The following CRTAC1 variants were observed in gnomAD, a reference collection of about 807,000 sequenced individuals.
CRTAC1 encodes the protein acidic secreted protein in cartilage.
In CRTAC1, 37 loss-of-function variants were observed where a neutral mutation model predicts 67.8. The ratio of observed to expected loss-of-function variants is 0.55; its 90% confidence interval spans 0.42 to 0.72. CRTAC1 has a LOEUF of 0.72. Among genes scored for constraint, CRTAC1 ranks in the 30% least tolerant of loss-of-function variants. CRTAC1 has a pLI of 0.00. For synonymous variants in CRTAC1, 348 were observed against 371.0 expected (o/e 0.94, Z 0.71); for missense variants, 780 against 931.6 (o/e 0.84, Z 2.12).
intron 3 of CRTAC1, among the ~76,000 whole-genome samples, chr10:97,926,545 C>T (rs2050922271): frequency 6.6e-6 from 1 of 152,036 alleles, no homozygotes; most frequent in Admixed American, 6.5e-5. Flanking sequence ...CATAACACCC[C>T]CAGCAGGGAT....
At position 97,884,354 on chromosome 10, in the gene CRTAC1, G is replaced by A. The variant is rs200524908; in HGVS notation, c.1487-3C>T. The A allele has an allele frequency of 1.3e-5, 20 of 1,551,128 alleles. No individual in the cohort carries two copies. In the African/African-American group the frequency reaches 2.3e-4, roughly 18 times the overall value. On this transcript the variant is annotated splice_region_variant and splice_polypyrimidine_tract_variant and intron_variant, in intron 11 of 14. Coordinates refer to ENST00000370597, the MANE Select transcript of CRTAC1 (RefSeq NM_018058.7). ...CACACTGCTGGCTTCATCCTTCCCT[G>A]AGGGGCAGAAGGAGAGAGCATCAGC...
intron 5 of CRTAC1, among the ~76,000 whole-genome samples, chr10:97,917,263 C>T (rs2050772375): frequency 6.6e-6 from 1 of 152,188 alleles, no homozygotes; most frequent in South Asian, 2.1e-4. Context: ...AGCCAGATGT[C>T]CCCTCTTGGG....
chr10:97,911,585 C>T (rs1355322547), intron 5 of CRTAC1, among the ~76,000 whole-genome samples: 6 of 150,086 alleles, frequency 4.0e-5, no homozygotes, highest in Admixed American at 6.7e-5. Context: ...GGGGGCCCAA[C>T]GGGGGGCTGA....
At chr10:98,021,582 G>A (rs1326490950) in intron 1 of CRTAC1, among the ~76,000 whole-genome samples, 1 of 152,230 alleles carries the variant, frequency 6.6e-6, no homozygotes, top group Non-Finnish European at 1.5e-5. Flanking sequence ...GGGTTGCCAT[G>A]AGAATGAAAT....
chr10:97,914,966 G>A (rs556629500), intron 5 of CRTAC1, among the ~76,000 whole-genome samples: 28 of 152,090 alleles, frequency 1.8e-4, no homozygotes, highest in Admixed American at 7.8e-4. Flanking sequence ...CTGCAGCTGC[G>A]GAAATGGATA....
chr10:97,878,566 C>A, intron 14 of CRTAC1: 2 of 1,272,526 alleles, frequency 1.6e-6, no homozygotes, highest in Non-Finnish European at 2.1e-6. Flanking sequence ...TTATAACAAG[C>A]CTTCACTACT....
intron 14 of CRTAC1, 27 bp downstream of exon 14, chr10:97,880,222 C>A (rs1340552125): frequency 6.2e-7 from 1 of 1,610,588 alleles, no homozygotes; most frequent in South Asian, 1.1e-5. Context: ...CCTTTTGCTA[C>A]TGGCCTATGG....
intron 8 of CRTAC1, among the ~76,000 whole-genome samples, chr10:97,900,878 G>A (rs2050528019): frequency 3.4e-5 from 4 of 118,964 alleles, no homozygotes; most frequent in Admixed American, 1.6e-4. Flanking sequence ...CCTTTTCCTG[G>A]TAGTGATTGG....
chr10:98,028,452 G>A (rs904571217), intron 1 of CRTAC1, among the ~76,000 whole-genome samples: 8 of 152,196 alleles, frequency 5.3e-5, no homozygotes, highest in African/African-American at 1.9e-4. Flanking sequence ...ATGAGAGGCT[G>A]TCACAAGCTG....
chr10:97,915,274 G>A (rs566115029), intron 5 of CRTAC1, among the ~76,000 whole-genome samples: 33 of 152,352 alleles, frequency 2.2e-4, no homozygotes, highest in Admixed American at 1.0e-3. Flanking sequence ...GGCAGTTTAA[G>A]CATCAGGAGG....
Position 97,867,701 on chromosome 10 carries a change from CT to C in CRTAC1, c.1820-1988del, listed in dbSNP as rs796952761. The C allele has an allele frequency of 9.3e-3, 1,340 of 144,214 alleles. 19 individuals are homozygous for C. The highest frequency in any genetic ancestry group is 0.025 in the African/African-American group (987 of 39,584). 8.9% of individuals were successfully genotyped at this position (144,214 alleles called of 1,614,324 possible). On this transcript the variant is annotated intron_variant, in intron 14 of 14. Transcript: ENST00000370597. Reference sequence around the variant, plus strand: ...GGCTGGGCACAGGCAGTGCTATGGCCTTTTTTTTTTTTTTCTTTTTCCAATA... The same window carrying C: ...GGCTGGGCACAGGCAGTGCTATGGCCTTTTTTTTTTTTTCTTTTTCCAATA...
chr10:97,952,674 G>A (rs1274038247), intron 2 of CRTAC1, among the ~76,000 whole-genome samples: 2 of 151,766 alleles, frequency 1.3e-5, no homozygotes, highest in African/African-American at 2.4e-5. Flanking sequence ...TCACCAAAAT[G>A]TGAGACCCAT....
At chr10:97,990,905 A>G (rs1285143490) in intron 2 of CRTAC1, among the ~76,000 whole-genome samples, 1 of 152,156 alleles carries the variant, frequency 6.6e-6, no homozygotes, top group African/African-American at 2.4e-5. Flanking sequence ...ACAACACCAT[A>G]TTTGACAATG....
chr10:97,883,466 C>A (rs1041666781), intron 12 of CRTAC1, among the ~76,000 whole-genome samples: 1 of 152,206 alleles, frequency 6.6e-6, no homozygotes, highest in Admixed American at 6.5e-5. Flanking sequence ...ACGTAACACA[C>A]ATGACACAAA....
In CRTAC1 at chr10:97,936,172, G is replaced by A. The variant is rs1248231229; in HGVS notation, c.419C>T (p.Ser140Leu). ...IYFLNTNNAF[S>L]GVATYTDKLF... ...GAGGCCTGAGCCCCAGCCCTTACCC[G>A]AGAAGGCATTATTGGTGTTGAGGAA... Residue 140 changes from serine to leucine, a missense_variant and splice_region_variant, in exon 3 of 15, where the codon TCG (serine) becomes TTG (leucine). By Grantham distance (145) the Ser-to-Leu change is moderately radical. Transcript: ENST00000370597. 3.7e-6 allele frequency: 6 copies of A among 1,602,664 alleles called. No individual in the cohort carries two copies. Among genetic ancestry groups the A allele is most frequent in the African/African-American group, 1.3e-5 (1 of 74,724 alleles).
intron 2 of CRTAC1, among the ~76,000 whole-genome samples, chr10:98,002,483 A>T (rs1333092859): frequency 6.6e-6 from 1 of 152,076 alleles, no homozygotes; most frequent in Non-Finnish European, 1.5e-5. Flanking sequence ...TTGAAATGCC[A>T]CCTCCAGACC....
chr10:97,931,074 A>G lies in CRTAC1; in HGVS notation c.421+5096T>C, dbSNP rs139138501. On this transcript the variant is annotated intron_variant, in intron 3 of 14. Transcript: ENST00000370597. ...TAGGCAGAGGCTATGAGCAGATAAG[A>G]AATTCAAATATATAAAAATATTCTC... is the stretch of plus-strand genomic sequence containing the variant. Among the ~76,000 whole-genome samples the G allele has an allele frequency of 1.0e-3, 156 of 152,374 alleles. 3 individuals carry two copies. The highest frequency in any genetic ancestry group is 3.4e-3 in the African/African-American group (143 of 41,594).
intron 2 of CRTAC1, among the ~76,000 whole-genome samples, chr10:98,008,019 A>G (rs1224485084): frequency 6.6e-6 from 1 of 152,172 alleles, no homozygotes; most frequent in Non-Finnish European, 1.5e-5. Flanking sequence ...GCCCACATTT[A>G]CGCACAGGGC....
At chr10:98,004,175 C>T (rs150183434) in intron 2 of CRTAC1, among the ~76,000 whole-genome samples, 52 of 152,274 alleles carry the variant, frequency 3.4e-4, no homozygotes, top group African/African-American at 1.2e-3. Flanking sequence ...TCCATGATAC[C>T]AACAACAATG....
Sources: allele counts gnomAD v4.1 joint callset (sites outside exome capture counted in the v4.1 genomes callset), GRCh38; gene constraint gnomAD v4.1.1; transcripts MANE v1.5; gene names NCBI Gene and HGNC (gene_info 2026-07-23, HGNC 2026-07-21).